FTCDNL1: variants seen among roughly 807,000 people sequenced by gnomAD.
FTCDNL1 encodes the protein formiminotransferase N-terminal subdomain-containing protein.
Under a neutral mutation model 5.9 loss-of-function variants are expected in FTCDNL1, and 11 were observed. The ratio of observed to expected loss-of-function variants is 1.87; its 90% CI spans 1.18 to 3.10. The LOEUF (loss-of-function observed/expected upper bound fraction) is 3.10, where lower values mean the gene tolerates loss of function less well. Among genes scored for constraint, FTCDNL1 ranks in the 30% most tolerant of loss-of-function variants. The probability of loss-of-function intolerance (pLI) is 0.00; values close to 1 mark genes in which losing one functional copy is unlikely to be tolerated. For missense variants in FTCDNL1, 115 were observed against 65.5 expected (o/e 1.76, Z -2.61); for synonymous variants, 58 against 24.8 (o/e 2.34, Z -3.99).
At chr2:199,786,243 C>G (rs1033346041) in intron 3 of FTCDNL1, among the ~76,000 whole-genome samples, 2 of 150,558 alleles carry the variant, frequency 1.3e-5, no homozygotes, top group African/African-American at 4.9e-5. Flanking sequence ...TGGGCTACCT[C>G]CAGCCCTGTA....
At chr2:199,701,380 T>C in the FTCDNL1 span, among the ~76,000 whole-genome samples, 10 of 115,446 alleles carry the variant, frequency 8.7e-5, no homozygotes, top group Non-Finnish European at 1.6e-4. Context: ...GGTTGCAGAG[T>C]AAATGGAATG....
intron 3 of FTCDNL1, among the ~76,000 whole-genome samples, chr2:199,793,510 C>T (rs954116957): frequency 2.7e-5 from 4 of 150,318 alleles, no homozygotes; most frequent in African/African-American, 7.3e-5. Context: ...TGGTGCAGTC[C>T]GTTTATATAG....
At chr2:199,683,082 T>C in the FTCDNL1 span, among the ~76,000 whole-genome samples, 4 of 152,184 alleles carry the variant, frequency 2.6e-5, no homozygotes, top group Non-Finnish European at 4.4e-5. Flanking sequence ...ACTGTACAAC[T>C]CCATTCAGGT....
At chr2:199,799,141 C>G (rs1700317990) in intron 3 of FTCDNL1, among the ~76,000 whole-genome samples, 1 of 152,098 alleles carries the variant, frequency 6.6e-6, no homozygotes, top group Non-Finnish European at 1.5e-5. Context: ...ATGTGCTACG[C>G]TGAAAATAAA....
At chr2:199,708,845 A>C in the FTCDNL1 span, among the ~76,000 whole-genome samples, 1 of 152,132 alleles carries the variant, frequency 6.6e-6, no homozygotes, top group East Asian at 1.9e-4. Flanking sequence ...TAAAAACTCA[A>C]TGGTATCCAT....
At chr2:199,823,602 T>C (rs1701831319) in intron 3 of FTCDNL1, among the ~76,000 whole-genome samples, 1 of 152,190 alleles carries the variant, frequency 6.6e-6, no homozygotes, top group South Asian at 2.1e-4. Context: ...GCAAGGTGCA[T>C]TGTCAATGGG....
At chr2:199,847,989 A>C (rs1034701952) in intron 2 of FTCDNL1, among the ~76,000 whole-genome samples, 1 of 152,232 alleles carries the variant, frequency 6.6e-6, no homozygotes, top group African/African-American at 2.4e-5. Flanking sequence ...TTTCTTATGA[A>C]AAGCAGTAAC....
the FTCDNL1 span, among the ~76,000 whole-genome samples, chr2:199,681,425 C>T: frequency 6.6e-6 from 1 of 151,914 alleles, no homozygotes; most frequent in Non-Finnish European, 1.5e-5. Context: ...CATTGCACTC[C>T]AGCCTGGGCA....
At chr2:199,742,435 G>C in the FTCDNL1 span, among the ~76,000 whole-genome samples, 1 of 152,096 alleles carries the variant, frequency 6.6e-6, no homozygotes, top group Non-Finnish European at 1.5e-5. Flanking sequence ...GGGGATCAAC[G>C]CCTGGAGAAT....
the FTCDNL1 span, among the ~76,000 whole-genome samples, chr2:199,698,030 G>C: frequency 1.3e-5 from 2 of 152,110 alleles, no homozygotes; most frequent in African/African-American, 4.8e-5. Context: ...GATCAGAAAG[G>C]ACAAAGAAGG....
Position 199,783,475 on chromosome 2 carries a change from G to A in FTCDNL1, c.212-22640C>T, listed in dbSNP as rs200293644. Among the ~76,000 whole-genome samples, 41 of 152,192 alleles carry A rather than the reference G, an allele frequency of 2.7e-4. No homozygotes were observed. In the East Asian group the frequency reaches 6.0e-3, roughly 22 times the overall value. ...GCCATCATAATTCTAATATTTCAAC[G>A]TTACATGGTATGGGCCATCATTATC... is the stretch of plus-strand genomic sequence containing the variant. On this transcript the variant is annotated intron_variant, in intron 3 of 3. Coordinates refer to the FTCDNL1 transcript ENST00000416668.
chr2:199,677,476 T>C, the FTCDNL1 span, among the ~76,000 whole-genome samples: 2 of 152,184 alleles, frequency 1.3e-5, no homozygotes, highest in Admixed American at 6.5e-5. Context: ...GTCCAGCATA[T>C]ATCCAAGGCC....
At chr2:199,753,022 T>G in the FTCDNL1 span, among the ~76,000 whole-genome samples, 2 of 152,134 alleles carry the variant, frequency 1.3e-5, no homozygotes, top group Non-Finnish European at 2.9e-5. Context: ...TAGGGAGACT[T>G]TCATCCTCCA....
chr2:199,805,852 A>G (rs188723041), downstream of FTCDNL1, among the ~76,000 whole-genome samples: 115 of 152,080 alleles, frequency 7.6e-4, 1 homozygote, highest in African/African-American at 2.6e-3. Context: ...CTGGGACGTC[A>G]AGGCTGCAGA....
At chr2:199,713,107 CT>C in the FTCDNL1 span, among the ~76,000 whole-genome samples, 3 of 151,928 alleles carry the variant, frequency 2.0e-5, no homozygotes, top group African/African-American at 7.3e-5. Context: ...CATTTTTCTT[CT>C]TTTCATCACA....
chr2:199,776,694 AC>A (rs1006652764), intron 3 of FTCDNL1, among the ~76,000 whole-genome samples: 2 of 152,062 alleles, frequency 1.3e-5, no homozygotes, highest in African/African-American at 4.8e-5. Context: ...TAGAGGGTGG[AC>A]CCCACCCAAA....
chr2:199,677,147 A>G, the FTCDNL1 span, among the ~76,000 whole-genome samples: 7 of 152,306 alleles, frequency 4.6e-5, no homozygotes, highest in Non-Finnish European at 8.8e-5. Flanking sequence ...GTGCTTCTAT[A>G]TAACATGTAT....
intron 3 of FTCDNL1, among the ~76,000 whole-genome samples, chr2:199,793,323 C>A (rs146160479): frequency 2.4e-4 from 37 of 152,108 alleles, no homozygotes; most frequent in African/African-American, 8.7e-4. Flanking sequence ...TCAACAGAAA[C>A]CCTCTGAGAG....
the FTCDNL1 span, among the ~76,000 whole-genome samples, chr2:199,672,288 G>T: frequency 2.0e-5 from 3 of 152,106 alleles, no homozygotes; most frequent in Admixed American, 1.3e-4. Flanking sequence ...GAGGGTCTTT[G>T]CTTTAGCTAA....
Sources: allele counts gnomAD v4.1 joint callset (sites outside exome capture counted in the v4.1 genomes callset), GRCh38; gene constraint gnomAD v4.1.1; transcripts MANE v1.5; gene names NCBI Gene and HGNC (gene_info 2026-07-23, HGNC 2026-07-21).